The following RPH3A variants were observed in gnomAD, a reference collection of about 807,000 sequenced individuals.
The protein encoded by RPH3A is rabphilin-3A.
RPH3A carries 48 observed loss-of-function variants against 102.2 expected under a neutral mutation model. The observed-to-expected ratio is 0.47, with a 90% confidence interval of 0.37 to 0.60. RPH3A has a LOEUF of 0.60. RPH3A is among the 20% of genes least tolerant of loss of function. The probability of loss-of-function intolerance (pLI) is 0.00; values close to 1 mark genes in which losing one functional copy is unlikely to be tolerated. For synonymous variants in RPH3A, 310 were observed against 324.3 expected (o/e 0.96, Z 0.47); for missense variants, 781 against 910.1 (o/e 0.86, Z 1.83).
intron 1 of RPH3A, among the ~76,000 whole-genome samples, chr12:112,610,406 G>A (rs2039630193): frequency 6.6e-6 from 1 of 151,384 alleles, no homozygotes; most frequent in African/African-American, 2.4e-5. Flanking sequence ...AGGAGGCTGG[G>A]GCAGGAGAAT....
intron 4 of RPH3A, among the ~76,000 whole-genome samples, chr12:112,841,045 G>A (rs1189081049): frequency 6.6e-6 from 1 of 151,744 alleles, no homozygotes; most frequent in East Asian, 1.9e-4. Flanking sequence ...GTGATCCTCA[G>A]AATGAAGCCC....
intron 2 of RPH3A, among the ~76,000 whole-genome samples, chr12:112,821,040 G>C (rs918529114): frequency 2.6e-5 from 4 of 152,190 alleles, no homozygotes; most frequent in African/African-American, 9.6e-5. Context: ...GAATGTCCCA[G>C]CTGGCTCTAG....
intron 1 of RPH3A, among the ~76,000 whole-genome samples, chr12:112,712,981 T>C (rs2040481382): frequency 1.8e-5 from 2 of 112,838 alleles, no homozygotes; most frequent in African/African-American, 5.8e-5. Flanking sequence ...TTCTTTCTTC[T>C]TCGTCGTCTT....
chr12:112,612,042 C>T (rs939577381), intron 1 of RPH3A, among the ~76,000 whole-genome samples: 1 of 152,134 alleles, frequency 6.6e-6, no homozygotes, highest in South Asian at 2.1e-4. Flanking sequence ...GTAATGAAAT[C>T]CGGGCTATAA....
rs774971449 is a variant in RPH3A at position 112,869,797 on chromosome 12, G to C, written c.649G>C (p.Gly217Arg). The C allele has an allele frequency of 1.9e-6, 3 of 1,614,150 alleles. No homozygotes were observed. In the South Asian group the frequency reaches 3.3e-5, roughly 18 times the overall value. Residue 217 changes from glycine (G) to arginine (R), a missense_variant and splice_region_variant, in exon 9 of 22, where the codon GGC becomes CGC. Transcript: ENST00000389385. ...EDRRGPGQKT[G>R]PDPASAPGRG... ...TAGGAGGGGCCCGGGTCAGAAGACA[G>C]GTGGGTTCTGCTGACTCTGTTTTGT...
intron 1 of RPH3A, among the ~76,000 whole-genome samples, chr12:112,676,320 T>C (rs2040174138): frequency 6.6e-6 from 1 of 152,128 alleles, no homozygotes; most frequent in Non-Finnish European, 1.5e-5. Context: ...TGCCTTACAA[T>C]GTCACCCAGG....
chr12:112,713,014 TTCCTCTTCC>T lies in RPH3A; in HGVS notation c.-139-79126_-139-79118del, dbSNP rs1442670569. Among the ~76,000 whole-genome samples the T allele has an allele frequency of 4.6e-3, 344 of 74,666 alleles. 20 individuals are homozygous for T. Among genetic ancestry groups the T allele is most frequent in the African/African-American group, 0.019 (318 of 16,494 alleles). 49.0% of individuals were successfully genotyped at this position (74,666 alleles called of 152,430 possible). On this transcript the variant is annotated intron_variant, in intron 1 of 21. Transcript: ENST00000543106. The stretch of plus-strand genomic sequence containing the variant: ...CTTTGTCTTCCTCTTCCTCTTCCTC[TTCCTCTTCC>T]TCTTCTTCTTCTTCTTCTTCTTCTT...
At chr12:112,852,958 C>T (rs1175389754) in intron 5 of RPH3A, among the ~76,000 whole-genome samples, 1 of 152,126 alleles carries the variant, frequency 6.6e-6, no homozygotes, top group African/African-American at 2.4e-5. Context: ...GTCAGCTTCC[C>T]TAAACAGATG....
At chr12:112,803,525 TGAG>T in intron 2 of RPH3A, among the ~76,000 whole-genome samples, 1 of 151,552 alleles carries the variant, frequency 6.6e-6, no homozygotes, top group Admixed American at 6.6e-5. Flanking sequence ...ATTTTGCAGA[TGAG>T]GACACAGGCT....
chr12:112,868,690 C>A, intron 8 of RPH3A, 95 bp downstream of exon 8: 2 of 1,380,696 alleles, frequency 1.4e-6, no homozygotes, highest in Non-Finnish European at 2.0e-6. Context: ...TGTGTTTCCA[C>A]CCAGTTGTTG....
At chr12:112,861,433 G>T (rs1216455216) in intron 5 of RPH3A, among the ~76,000 whole-genome samples, 1 of 152,140 alleles carries the variant, frequency 6.6e-6, no homozygotes, top group Non-Finnish European at 1.5e-5. Flanking sequence ...ATGATTCAAG[G>T]GCCCTTGGTG....
At chr12:112,884,534 A>G (rs1191332160) in intron 16 of RPH3A, among the ~76,000 whole-genome samples, 2 of 152,176 alleles carry the variant, frequency 1.3e-5, no homozygotes, top group Non-Finnish European at 2.9e-5. Flanking sequence ...GGACATTTAA[A>G]TTGTTTTCAG....
rs1351291029 is a variant in RPH3A at position 112,891,031 on chromosome 12, G to T, written c.1775+28G>T. 3.1e-6 allele frequency: 5 copies of T among 1,612,610 alleles called. No individual in the cohort carries two copies. In the African/African-American group the frequency reaches 4.0e-5, roughly 13 times the overall value. On this transcript the variant is annotated intron_variant, in intron 19 of 21. Coordinates refer to ENST00000389385, the MANE Select transcript of RPH3A (RefSeq NM_001143854.2). Reference sequence around the variant, plus strand: ...AAGTCAATGCCTTGGGGCTACAGGTGGGCCCTGAAGGAGTCCTGGAGCCTT... The same window carrying T: ...AAGTCAATGCCTTGGGGCTACAGGTTGGCCCTGAAGGAGTCCTGGAGCCTT...
At chr12:112,795,527 C>T (rs373720775) in intron 2 of RPH3A, among the ~76,000 whole-genome samples, 9 of 152,280 alleles carry the variant, frequency 5.9e-5, no homozygotes, top group African/African-American at 1.2e-4. Context: ...TCTTAACCAG[C>T]CAGGGGCTGC....
chr12:112,797,980 C>T (rs918920205), intron 2 of RPH3A, among the ~76,000 whole-genome samples: 5 of 152,232 alleles, frequency 3.3e-5, no homozygotes, highest in Admixed American at 1.3e-4. Flanking sequence ...TGAGCCACTG[C>T]ACCCAGCCAA....
At chr12:112,585,163 G>T (rs1287251969) in intron 1 of RPH3A, among the ~76,000 whole-genome samples, 1 of 152,184 alleles carries the variant, frequency 6.6e-6, no homozygotes, top group Non-Finnish European at 1.5e-5. Context: ...GTCCTTCCAC[G>T]TTCCTCTGCC....
At chr12:112,616,799 G>A (rs552754739) in intron 1 of RPH3A, among the ~76,000 whole-genome samples, 23 of 152,224 alleles carry the variant, frequency 1.5e-4, no homozygotes, top group Admixed American at 2.6e-4. Flanking sequence ...GCTGTCAGAT[G>A]CCTTAAAACC....
At chr12:112,721,607 C>T (rs1390289105) in intron 1 of RPH3A, among the ~76,000 whole-genome samples, 1 of 150,156 alleles carries the variant, frequency 6.7e-6, no homozygotes, top group Non-Finnish European at 1.5e-5. Context: ...AAGTAGCCTA[C>T]AGTATTATAG....
chr12:112,697,114 G>A (rs1045574965), intron 1 of RPH3A, among the ~76,000 whole-genome samples: 32 of 152,118 alleles, frequency 2.1e-4, no homozygotes, highest in Non-Finnish European at 4.3e-4. Context: ...TTCTGGTCAG[G>A]ATTTGAGGTC....
Sources: allele counts gnomAD v4.1 joint callset (sites outside exome capture counted in the v4.1 genomes callset), GRCh38; gene constraint gnomAD v4.1.1; transcripts MANE v1.5; gene names NCBI Gene and HGNC (gene_info 2026-07-23, HGNC 2026-07-21).